Variants in ADAMTS16 observed in about 807,000 individuals in gnomAD.
ADAMTS16 encodes A disintegrin and metalloproteinase with thrombospondin motifs 16.
ADAMTS16 carries 94 observed loss-of-function variants against 145.8 expected under a neutral mutation model. That is an observed-to-expected ratio of 0.64 (90% CI 0.55 to 0.77). ADAMTS16 has a LOEUF of 0.77. ADAMTS16 is among the 30% of genes least tolerant of loss of function. The pLI, the probability that ADAMTS16 is intolerant of heterozygous loss-of-function variation, is 0.00. For synonymous variants in ADAMTS16, 659 were observed against 604.3 expected (o/e 1.09, Z -1.33); for missense variants, 1,585 against 1,591.5 (o/e 1.00, Z 0.07).
intron 18 of ADAMTS16, among the ~76,000 whole-genome samples, chr5:5,272,436 A>C (rs1336119417): frequency 5.1e-5 from 7 of 138,558 alleles, no homozygotes; most frequent in African/African-American, 1.1e-4. Flanking sequence ...ATCTCGGCTC[A>C]CTGCAAGCGC....
chr5:5,209,293 T>A, intron 10 of ADAMTS16, 47 bp downstream of exon 10: 1 of 1,599,300 alleles, frequency 6.3e-7, no homozygotes, highest in Non-Finnish European at 8.5e-7. Context: ...TTCATAAGAC[T>A]GTTTTATTTA....
chr5:5,302,894 T>C (rs1739845472), intron 18 of ADAMTS16, among the ~76,000 whole-genome samples: 2 of 152,306 alleles, frequency 1.3e-5, no homozygotes, highest in East Asian at 1.9e-4. Context: ...GGGCATACAC[T>C]GAAAATTGTG....
intron 10 of ADAMTS16, among the ~76,000 whole-genome samples, chr5:5,212,095 A>G (rs1341901260): frequency 1.3e-5 from 2 of 151,816 alleles, no homozygotes; most frequent in African/African-American, 2.4e-5. Context: ...CATATTTCCT[A>G]CTTGTTCCAC....
At chr5:5,223,006 A>G in intron 11 of ADAMTS16, 122 bp downstream of exon 11, 1 of 722,474 alleles carries the variant, frequency 1.4e-6, no homozygotes, top group African/African-American at 1.8e-5. Flanking sequence ...ATGCATACCC[A>G]TGCTCCTATC....
At chr5:5,221,493 A>C (rs776676515) in intron 10 of ADAMTS16, among the ~76,000 whole-genome samples, 2 of 152,164 alleles carry the variant, frequency 1.3e-5, no homozygotes, top group Admixed American at 6.5e-5. Context: ...GGGGACTCGA[A>C]AGATCATGAC....
intron 17 of ADAMTS16, among the ~76,000 whole-genome samples, chr5:5,250,036 C>G (rs2913641): frequency 0.93 from 142,002 of 152,232 alleles, 66,852 homozygotes; most frequent in Non-Finnish European, 1. Flanking sequence ...TCGATGTTCA[C>G]ATGCTTCTCT....
chr5:5,154,379 C>A (rs1734549584), intron 3 of ADAMTS16, among the ~76,000 whole-genome samples: 1 of 152,048 alleles, frequency 6.6e-6, no homozygotes, highest in Non-Finnish European at 1.5e-5. Context: ...TACTTTTCTG[C>A]TAATTACATA....
chr5:5,251,586 G>C (rs980806281), intron 17 of ADAMTS16, among the ~76,000 whole-genome samples: 2 of 152,238 alleles, frequency 1.3e-5, no homozygotes, highest in Non-Finnish European at 2.9e-5. Flanking sequence ...CACACACACA[G>C]AGATTTTTAG....
rs1025846840 is a variant in ADAMTS16 at position 5,152,167 on chromosome 5, T to C, written c.501+5712T>C. Reference sequence around the variant, plus strand: ...TTCTGCTCCAAATAATTTCAGGCCCTGGAGGCAAGCTCCTTGTTCATGCAG... The same window carrying C: ...TTCTGCTCCAAATAATTTCAGGCCCCGGAGGCAAGCTCCTTGTTCATGCAG... On this transcript the variant is annotated intron_variant, in intron 3 of 22. Coordinates refer to ENST00000274181, the MANE Select transcript of ADAMTS16 (RefSeq NM_139056.4). 3.3e-5 allele frequency among the ~76,000 whole-genome samples: 5 copies of C among 152,252 alleles called. No homozygotes were observed. The East Asian group carries it at 9.6e-4, about 29-fold the overall frequency.
Position 5,215,870 on chromosome 5 carries a change from G to GTGTATA in ADAMTS16, c.1605+6625_1605+6626insGTATAT, listed in dbSNP as rs1260354840. ...ATATATATATATGTGGTGTGTATGT[G>GTGTATA]TATATATATATATATATATATATAT... On this transcript the variant is annotated intron_variant, in intron 10 of 22. Transcript: ENST00000274181. Among the ~76,000 whole-genome samples the GTGTATA allele has an allele frequency of 2.2e-3, 219 of 101,412 alleles. 3 individuals are homozygous for GTGTATA. The highest frequency in any genetic ancestry group is 3.1e-3 in the Non-Finnish European group (172 of 55,022). The allele number at this position is 101,412 out of a possible 152,430, so 66.5% of individuals were successfully genotyped here. A position where few individuals can be genotyped will look rare whatever the true frequency, so the allele number is the denominator to read the frequency against.
At chr5:5,215,964 C>T (rs1055034516) in intron 10 of ADAMTS16, among the ~76,000 whole-genome samples, 2 of 143,710 alleles carry the variant, frequency 1.4e-5, no homozygotes, top group East Asian at 2.0e-4. Flanking sequence ...GGGTTGGTTT[C>T]ACAATTTTGC....
Position 5,209,106 on chromosome 5 carries a change from A to C in ADAMTS16, c.1465A>C (p.Ile489Leu), listed in dbSNP as rs200784477. 7.3e-4 allele frequency: 1,174 copies of C among 1,613,568 alleles called. 1 individual carries two copies. Among genetic ancestry groups the C allele is most frequent in the Non-Finnish European group, 8.9e-4 (1,050 of 1,179,738 alleles). The part of the protein sequence containing the change: ...LHKFLSTAQA[I>L]CLADQPKPVK... ...TCTTTGTTTCAGCACCGCTCAAGCT[A>C]TCTGCCTTGCTGATCAGCCAAAGCC... The change falls in exon 10 of 23, where the codon ATC (isoleucine) becomes CTC (leucine). Residue 489 changes from isoleucine to leucine, a missense_variant. This residue lies in a region of ADAMTS16 where 298 missense variants were observed against 367.6 expected (regional missense o/e 0.81). Coordinates refer to ENST00000274181, the MANE Select transcript of ADAMTS16 (RefSeq NM_139056.4).
In ADAMTS16 at chr5:5,256,760, G is replaced by A. The variant is rs1737797175; in HGVS notation, c.2663-5897G>A. ...ACTCTTTGTTCAGACTTGAACAGAAGGTTTGAATTTCACATGTTTTTAATT... is the reference window on the plus strand; with the variant it reads ...ACTCTTTGTTCAGACTTGAACAGAAAGTTTGAATTTCACATGTTTTTAATT... On this transcript the variant is annotated intron_variant, in intron 17 of 22. Coordinates refer to ENST00000274181, the MANE Select transcript of ADAMTS16 (RefSeq NM_139056.4). 2.0e-5 allele frequency among the ~76,000 whole-genome samples: 3 copies of A among 152,108 alleles called. No homozygotes were observed. In the South Asian group the frequency reaches 6.2e-4, roughly 31 times the overall value.
Position 5,239,857 on chromosome 5 carries a change from A to G in ADAMTS16, c.2455A>G (p.Arg819Gly), listed in dbSNP as rs1478131897. ...ATTTTCGGGCACTACTTTCGACTAC[A>G]GACGGTCCTATAATGAGCCCGAGAA... Reference protein sequence around the residue: ...YKFSGTTFDYRRSYNEPENLI... With the variant: ...YKFSGTTFDYGRSYNEPENLI... The change falls in exon 16 of 23, where the codon AGA becomes GGA. Residue 819 changes from arginine to glycine, a missense_variant. Transcript: ENST00000274181. The G allele has an allele frequency of 6.2e-7, 1 of 1,614,134 alleles. No homozygotes were observed. Among genetic ancestry groups the G allele is most frequent in the East Asian group, 2.2e-5 (1 of 44,856 alleles).
In ADAMTS16 at chr5:5,239,730, C is replaced by G. The variant is rs1338095625; in HGVS notation, c.2328C>G (p.Ile776Met). 1.2e-6 allele frequency: 2 copies of G among 1,614,006 alleles called. No homozygotes were observed. The highest frequency in any genetic ancestry group is 2.7e-5 in the African/African-American group (2 of 74,900). Residue 776 changes from isoleucine (I) to methionine (M), a missense_variant, in exon 16 of 23, where the codon ATC (isoleucine) becomes ATG (methionine). Ile to Met is a conservative substitution (Grantham distance 10). Around this residue, in one of 3 missense-constraint regions of ADAMTS16, gnomAD observed 834 missense variants for 811.7 expected, o/e 1.03. Transcript: ENST00000274181. ...CTTCTGGAGCCCGGAGTATCCGCAT[C>G]TATGAAATGAACGTCTCTACCTCCT... is the stretch of plus-strand genomic sequence containing the variant. ...TIPSGARSIR[I>M]YEMNVSTSYI... is the part of the protein sequence containing the mutation.
At chr5:5,146,065 A>T in intron 2 of ADAMTS16, 65 bp from the exon 3 acceptor site, 1 of 1,407,532 alleles carries the variant, frequency 7.1e-7, no homozygotes, top group Non-Finnish European at 9.8e-7. Flanking sequence ...ATTATATCTT[A>T]AGACTTCCTG....
chr5:5,147,312 A>C (rs910145548), intron 3 of ADAMTS16, among the ~76,000 whole-genome samples: 2 of 152,160 alleles, frequency 1.3e-5, no homozygotes. Context: ...GAGGATGTTA[A>C]AGGTTTGGCC....
At chr5:5,295,079 A>G (rs564046783) in intron 18 of ADAMTS16, among the ~76,000 whole-genome samples, 8 of 152,362 alleles carry the variant, frequency 5.3e-5, no homozygotes, top group African/African-American at 1.7e-4. Flanking sequence ...TCATTTGCTA[A>G]TTCTTTTAAT....
chr5:5,244,274 C>T (rs1420944860), intron 17 of ADAMTS16, among the ~76,000 whole-genome samples: 1 of 152,186 alleles, frequency 6.6e-6, no homozygotes, highest in East Asian at 1.9e-4. Flanking sequence ...AAACCACAGC[C>T]TTTCTCTCCT....
Sources: allele counts gnomAD v4.1 joint callset (sites outside exome capture counted in the v4.1 genomes callset), GRCh38; gene constraint gnomAD v4.1.1; regional missense constraint gnomAD v4.1.1; transcripts MANE v1.5; gene names NCBI Gene and HGNC (gene_info 2026-07-23, HGNC 2026-07-21).